The following NAV3 variants were observed in gnomAD, a reference collection of about 807,000 sequenced individuals.
NAV3 encodes the protein neuron navigator 3.
NAV3 carries 87 observed loss-of-function variants against 244.7 expected under a neutral mutation model. That is an observed-to-expected ratio of 0.36 (90% CI 0.30 to 0.42). The LOEUF (loss-of-function observed/expected upper bound fraction) is 0.42, where lower values mean the gene tolerates loss of function less well. Among genes scored for constraint, NAV3 ranks in the 20% least tolerant of loss-of-function variants. NAV3 has a pLI of 1.00. For missense variants in NAV3, 2,663 were observed against 2,893.3 expected, an observed-to-expected ratio of 0.92 and a Z score of 1.83; for synonymous variants, 1,126 against 1,042.2, an observed-to-expected ratio of 1.08 and a Z score of -1.55.
chr12:78,097,246 T>C (rs2138140994), intron 12 of NAV3, among the ~76,000 whole-genome samples: 1 of 152,336 alleles, frequency 6.6e-6, no homozygotes, highest in South Asian at 2.1e-4. Flanking sequence ...GTTGAATCCC[T>C]TTCCTCTGTT....
At chr12:78,185,509 G>A (rs1456678752) in intron 30 of NAV3, 92 bp from the exon 31 acceptor site, 3 of 1,082,180 alleles carry the variant, frequency 2.8e-6, no homozygotes, top group Admixed American at 4.1e-5. Context: ...CCCATTGAAA[G>A]ATATAAAACT....
At chr12:77,934,634 T>C (rs1300236650) in intron 1 of NAV3, among the ~76,000 whole-genome samples, 1 of 152,226 alleles carries the variant, frequency 6.6e-6, no homozygotes, top group African/African-American at 2.4e-5. Context: ...CTGGTTGCAC[T>C]TTATATGCTT....
At chr12:77,595,548 T>A (rs916187575) in intron 2 of NAV3, among the ~76,000 whole-genome samples, 5 of 152,092 alleles carry the variant, frequency 3.3e-5, no homozygotes, top group Non-Finnish European at 7.4e-5. Flanking sequence ...ATCACACATA[T>A]AAAAAATAAC....
chr12:77,861,217 AC>A (rs1411886847), intron 1 of NAV3, among the ~76,000 whole-genome samples: 2 of 151,670 alleles, frequency 1.3e-5, no homozygotes, highest in Non-Finnish European at 1.5e-5. Flanking sequence ...AAAAAAAGGA[AC>A]CGTGTATCTT....
chr12:77,811,203 G>A (rs1401185153), intron 2 of NAV3, among the ~76,000 whole-genome samples: 1 of 152,104 alleles, frequency 6.6e-6, no homozygotes, highest in Non-Finnish European at 1.5e-5. Flanking sequence ...TACTCCTATT[G>A]TATGTGAATA....
At position 77,749,887 on chromosome 12, in the gene NAV3, T is replaced by C. The variant is rs571958704; in HGVS notation, c.72+177621T>C. On this transcript the variant is annotated intron_variant, in intron 2 of 8. Coordinates refer to the NAV3 transcript ENST00000550042. ...TTTGATTTACCAATGTAACAGATGC[T>C]AGAGTTCTTTTCTTTCAAGTTAAAG... Among the ~76,000 whole-genome samples, 207 of 152,312 alleles carry C rather than the reference T, an allele frequency of 1.4e-3. 1 individual carries two copies. The highest frequency in any genetic ancestry group is 2.5e-3 in the Non-Finnish European group (167 of 68,028).
At chr12:78,085,982 G>A (rs1305428472) in intron 12 of NAV3, among the ~76,000 whole-genome samples, 1 of 152,072 alleles carries the variant, frequency 6.6e-6, no homozygotes, top group African/African-American at 2.4e-5. Context: ...AAAAGTACAA[G>A]CTCAGGAATG....
chr12:77,803,212 A>G (rs1312439068), intron 2 of NAV3, among the ~76,000 whole-genome samples: 1 of 151,868 alleles, frequency 6.6e-6, no homozygotes, highest in East Asian at 1.9e-4. Context: ...TACATTAGGT[A>G]TTTCTCCTAC....
intron 2 of NAV3, among the ~76,000 whole-genome samples, chr12:77,644,989 G>C (rs964314879): frequency 3.9e-5 from 6 of 151,980 alleles, no homozygotes; most frequent in Middle Eastern, 3.4e-3. Context: ...CTCTAAAAAG[G>C]GAGCAAAAAT....
At chr12:78,194,811 A>C (rs1050041671) in intron 34 of NAV3, among the ~76,000 whole-genome samples, 7 of 151,972 alleles carry the variant, frequency 4.6e-5, no homozygotes, top group Non-Finnish European at 8.8e-5. Flanking sequence ...ATTCTTCTCT[A>C]TTTGGAAAGC....
intron 1 of NAV3, among the ~76,000 whole-genome samples, chr12:77,840,346 C>A (rs1000605450): frequency 6.6e-6 from 1 of 152,012 alleles, no homozygotes; most frequent in African/African-American, 2.4e-5. Flanking sequence ...GTCAAAGTGA[C>A]ATGATTAAGT....
At chr12:77,842,518 T>A (rs1875851944) in intron 1 of NAV3, among the ~76,000 whole-genome samples, 1 of 150,990 alleles carries the variant, frequency 6.6e-6, no homozygotes, top group Non-Finnish European at 1.5e-5. Flanking sequence ...GTTTAACAAA[T>A]CGGGTGAAGT....
At chr12:77,581,834 A>G (rs1358006280) in intron 2 of NAV3, among the ~76,000 whole-genome samples, 1 of 152,162 alleles carries the variant, frequency 6.6e-6, no homozygotes, top group East Asian at 1.9e-4. Flanking sequence ...TTTATGGGGT[A>G]CCTACTTATG....
chr12:77,654,757 A>C (rs1317525556), intron 2 of NAV3, among the ~76,000 whole-genome samples: 1 of 151,258 alleles, frequency 6.6e-6, no homozygotes, highest in Non-Finnish European at 1.5e-5. Flanking sequence ...TCTGAGACAA[A>C]ACTTCCAGAG....
intron 1 of NAV3, among the ~76,000 whole-genome samples, chr12:77,888,521 T>C (rs1322494640): frequency 2.0e-5 from 3 of 152,156 alleles, no homozygotes; most frequent in Non-Finnish European, 4.4e-5. Flanking sequence ...GCAGTGAGCT[T>C]AATGGCTGAT....
intron 5 of NAV3, among the ~76,000 whole-genome samples, chr12:77,975,923 T>C (rs2136214584): frequency 6.6e-6 from 1 of 152,294 alleles, no homozygotes; most frequent in African/African-American, 2.4e-5. Flanking sequence ...GGAAAAAGCT[T>C]GGGCTATCAT....
intron 2 of NAV3, among the ~76,000 whole-genome samples, chr12:77,670,087 G>C (rs147960058): frequency 1.1e-4 from 16 of 152,060 alleles, no homozygotes; most frequent in African/African-American, 3.9e-4. Flanking sequence ...ATCCAAATAA[G>C]CTCAATGGGA....
chr12:77,636,810 A>G (rs1872177595), intron 2 of NAV3, among the ~76,000 whole-genome samples: 2 of 152,226 alleles, frequency 1.3e-5, no homozygotes, highest in Admixed American at 6.5e-5. Flanking sequence ...CTATGCAGCC[A>G]TGAAAAAGAA....
At chr12:77,845,249 T>C (rs1876417297) in intron 1 of NAV3, among the ~76,000 whole-genome samples, 1 of 152,120 alleles carries the variant, frequency 6.6e-6, no homozygotes, top group East Asian at 1.9e-4. Context: ...AGAAAAACAA[T>C]CTTAGTAGTG....
Sources: allele counts gnomAD v4.1 joint callset (sites outside exome capture counted in the v4.1 genomes callset), GRCh38; gene constraint gnomAD v4.1.1; transcripts MANE v1.5; gene names NCBI Gene and HGNC (gene_info 2026-07-23, HGNC 2026-07-21).